ARHGAP28: variants seen among roughly 807,000 people sequenced by gnomAD.
The protein encoded by ARHGAP28 is rho GTPase-activating protein 28.
Under a neutral mutation model 90.7 loss-of-function variants are expected in ARHGAP28, and 56 were observed. The observed-to-expected ratio is 0.62, with a 90% CI of 0.50 to 0.77. The LOEUF (loss-of-function observed/expected upper bound fraction) is 0.77. Ranked by LOEUF, ARHGAP28 falls within the 30% of genes least tolerant of loss-of-function variation. ARHGAP28 has a pLI of 0.00. For missense variants in ARHGAP28, 869 were observed against 900.9 expected, an observed-to-expected ratio of 0.96 and a Z score of 0.45; for synonymous variants, 308 against 323.3, an observed-to-expected ratio of 0.95 and a Z score of 0.51.
chr18:6,754,750 G>A (rs774414658), intron 1 of ARHGAP28: 1 of 152,194 alleles, frequency 6.6e-6, no homozygotes, highest in Non-Finnish European at 1.5e-5. Context: ...CTGGGAACCT[G>A]AATTTGCCAG....
intron 1 of ARHGAP28, among the ~76,000 whole-genome samples, chr18:6,761,886 A>G (rs990650972): frequency 5.3e-5 from 8 of 152,142 alleles, no homozygotes; most frequent in Non-Finnish European, 8.8e-5. Flanking sequence ...GACAATATAG[A>G]GTTGTTGGCA....
At chr18:6,819,903 C>T (rs183814015) in intron 1 of ARHGAP28, among the ~76,000 whole-genome samples, 15 of 152,290 alleles carry the variant, frequency 9.8e-5, no homozygotes, top group African/African-American at 3.4e-4. Flanking sequence ...CATGCTCTGC[C>T]TCTCACTCTA....
At chr18:6,816,094 A>C (rs1490311274) in intron 1 of ARHGAP28, among the ~76,000 whole-genome samples, 1 of 152,152 alleles carries the variant, frequency 6.6e-6, no homozygotes, top group Non-Finnish European at 1.5e-5. Context: ...CTTTTCCTCT[A>C]AGAGGGATGA....
intron 1 of ARHGAP28, among the ~76,000 whole-genome samples, chr18:6,780,156 GGTCATATGCA>G (rs2056313022): frequency 6.6e-6 from 1 of 152,134 alleles, no homozygotes; most frequent in Non-Finnish European, 1.5e-5. Flanking sequence ...AGAATCAGCT[GGTCATATGCA>G]GAAGCGAGAC....
At chr18:6,908,900 C>G (rs2057378739) in intron 16 of ARHGAP28, 60 bp from the exon 17 acceptor site, 2 of 978,890 alleles carry the variant, frequency 2.0e-6, no homozygotes. Flanking sequence ...ATTTAACATG[C>G]ATTTTTACCT....
intron 17 of ARHGAP28, among the ~76,000 whole-genome samples, chr18:6,911,079 C>T (rs2143883484): frequency 6.6e-6 from 1 of 152,186 alleles, no homozygotes; most frequent in African/African-American, 2.4e-5. Context: ...TGTGATCCGC[C>T]CACCTCGGCC....
rs74939198 is a variant in ARHGAP28 at position 6,774,608 on chromosome 18, T to C, written c.122+44665T>C. On this transcript the variant is annotated intron_variant, in intron 1 of 17. Coordinates refer to ENST00000383472, the MANE Select transcript of ARHGAP28 (RefSeq NM_001366230.1). ...TGTTTGTGTGCTGGAGCCTTTAAAC[T>C]AACCCAATCTTTCCAGTTAATTACC... Among the ~76,000 whole-genome samples the C allele has an allele frequency of 9.8e-3, 1,487 of 152,332 alleles. 27 individuals are homozygous for C. The highest frequency in any genetic ancestry group is 0.033 in the African/African-American group (1,363 of 41,582).
chr18:6,805,258 A>G (rs2056509511), intron 1 of ARHGAP28, among the ~76,000 whole-genome samples: 1 of 152,084 alleles, frequency 6.6e-6, no homozygotes. Flanking sequence ...GAAGATTGTT[A>G]TTTCGTCTTC....
rs189224633 is a variant in ARHGAP28 at position 6,873,214 on chromosome 18, T to C, written c.955-195T>C. ...ATACTTTAGACTGCTGTTTTGCTTC[T>C]AATTAGCATAGCAGTGATCTGCACA... On this transcript the variant is annotated intron_variant, in intron 7 of 17. Transcript: ENST00000383472. Among the ~76,000 whole-genome samples the C allele has an allele frequency of 1.1e-3, 169 of 150,348 alleles. 1 individual carries two copies. Among genetic ancestry groups the C allele is most frequent in the African/African-American group, 4.3e-3 (169 of 39,672 alleles).
intron 3 of ARHGAP28, among the ~76,000 whole-genome samples, chr18:6,838,318 A>G (rs1406889105): frequency 2.6e-5 from 4 of 152,256 alleles, no homozygotes; most frequent in Non-Finnish European, 4.4e-5. Context: ...TATAGTATCA[A>G]TAATGGCATA....
At chr18:6,771,707 A>G (rs182107911) in intron 1 of ARHGAP28, among the ~76,000 whole-genome samples, 104 of 152,360 alleles carry the variant, frequency 6.8e-4, no homozygotes, top group African/African-American at 2.3e-3. Flanking sequence ...ACTAAATACC[A>G]TATGTTGTTT....
intron 11 of ARHGAP28, 100 bp from the exon 12 acceptor site, chr18:6,887,057 C>A: frequency 1.9e-6 from 2 of 1,032,114 alleles, no homozygotes; most frequent in Non-Finnish European, 3.0e-6. Flanking sequence ...CCACCAAAAG[C>A]TGTCAGGAGC....
intron 17 of ARHGAP28, among the ~76,000 whole-genome samples, chr18:6,909,969 C>A (rs565947447): frequency 1.3e-5 from 2 of 152,156 alleles, no homozygotes; most frequent in Non-Finnish European, 2.9e-5. Flanking sequence ...TCTTCACCCC[C>A]CTTTAAGTCT....
In ARHGAP28 at chr18:6,881,065, G is replaced by A. The variant is rs528052652; in HGVS notation, c.1291-1072G>A. Among the ~76,000 whole-genome samples, 8 of 152,324 alleles carry A rather than the reference G, an allele frequency of 5.3e-5. No individual in the cohort carries two copies. In the South Asian group the frequency reaches 1.7e-3, roughly 32 times the overall value. On this transcript the variant is annotated intron_variant, in intron 10 of 17. Transcript: ENST00000383472. ...ATCTCCTTTTGATCTTATCAGTAGA[G>A]GTTAGAGGGTGCATCAGAATCATGC... is the stretch of plus-strand genomic sequence containing the variant.
Position 6,825,069 on chromosome 18 carries a change from G to C in ARHGAP28, c.325+105G>C. The C allele has an allele frequency of 5.0e-6, 5 of 1,005,810 alleles. No homozygotes were observed. The South Asian group carries it at 7.2e-5, about 14-fold the overall frequency. 62.3% of individuals were successfully genotyped at this position (1,005,810 alleles called of 1,614,324 possible). On this transcript the variant is annotated intron_variant, in intron 2 of 17. Transcript: ENST00000383472. ...TCATCCCACCAATAGTTTAACCAAT[G>C]AATCAGTAGAATCTGGCATATTGAT...
chr18:6,897,923 A>C (rs1345000053), intron 16 of ARHGAP28: 1 of 152,230 alleles, frequency 6.6e-6, no homozygotes, highest in Non-Finnish European at 1.5e-5. Flanking sequence ...AGTATAAGTA[A>C]AACTTGGAAA....
At chr18:6,771,331 C>T (rs2143408583) in intron 1 of ARHGAP28, among the ~76,000 whole-genome samples, 1 of 152,232 alleles carries the variant, frequency 6.6e-6, no homozygotes, top group East Asian at 1.9e-4. Flanking sequence ...AGTTATAAGC[C>T]ACTGTGCCTG....
chr18:6,802,215 C>T (rs2056487066), intron 1 of ARHGAP28, among the ~76,000 whole-genome samples: 1 of 151,530 alleles, frequency 6.6e-6, no homozygotes, highest in African/African-American at 2.4e-5. Flanking sequence ...CTACAATAAA[C>T]ATGAAAGTAT....
chr18:6,870,184 A>C (rs558461690), intron 6 of ARHGAP28, among the ~76,000 whole-genome samples: 2 of 152,362 alleles, frequency 1.3e-5, no homozygotes, highest in South Asian at 4.1e-4. Flanking sequence ...AGCAGTTTCC[A>C]GCCTTTCTTC....
Sources: gnomAD v4.1 joint callset for allele counts (sites outside exome capture counted in the v4.1 genomes callset) on GRCh38, gnomAD v4.1.1 for gene constraint, MANE v1.5 for transcripts, NCBI Gene and HGNC (gene_info 2026-07-23, HGNC 2026-07-21) for gene names.